Variants in HEXB observed in about 807,000 individuals in gnomAD.
HEXB encodes the protein beta-hexosaminidase subunit beta.
In HEXB, 51 loss-of-function variants were observed where a neutral mutation model predicts 71.2. That is an observed-to-expected ratio of 0.72 (90% CI 0.57 to 0.90). HEXB has a LOEUF of 0.90. HEXB is among the 40% of genes least tolerant of loss of function. HEXB has a pLI of 0.00. For missense variants in HEXB, 617 were observed against 677.0 expected, an observed-to-expected ratio of 0.91 and a Z score of 0.98; for synonymous variants, 266 against 249.3, an observed-to-expected ratio of 1.07 and a Z score of -0.63.
intron 1 of HEXB, among the ~76,000 whole-genome samples, chr5:74,674,264 G>T (rs1166072624): frequency 6.6e-6 from 1 of 152,116 alleles, no homozygotes; most frequent in African/African-American, 2.4e-5. Context: ...AGAACAAAGG[G>T]GAAGTTAAAT....
At chr5:74,702,335 C>T (rs1372498968) in intron 5 of HEXB, among the ~76,000 whole-genome samples, 2 of 151,998 alleles carry the variant, frequency 1.3e-5, no homozygotes, top group Non-Finnish European at 2.9e-5. Context: ...GCCTCGGCCT[C>T]CCAAAGTGCT....
Position 74,693,838 on chromosome 5 carries a change from G to A in HEXB, c.511+134G>A, listed in dbSNP as rs925412186. On this transcript the variant is annotated intron_variant, in intron 3 of 13. Coordinates refer to ENST00000261416, the MANE Select transcript of HEXB (RefSeq NM_000521.4). Reference sequence around the variant, plus strand: ...ATGCTTTGTTATGTAGTTCCAAAATGATTTCCATTGAACATGTACTACATA... The same window carrying A: ...ATGCTTTGTTATGTAGTTCCAAAATAATTTCCATTGAACATGTACTACATA... The A allele has an allele frequency of 5.5e-6, 4 of 733,626 alleles. No homozygotes were observed. The East Asian group carries it at 7.9e-5, about 14-fold the overall frequency. 45.4% of individuals were successfully genotyped at this position (733,626 alleles called of 1,614,324 possible).
chr5:74,708,857 C>T (rs1580391851), intron 6 of HEXB, among the ~76,000 whole-genome samples: 1 of 151,920 alleles, frequency 6.6e-6, no homozygotes, highest in African/African-American at 2.4e-5. Context: ...ACTTTAACAC[C>T]CTACTGTCAA....
At chr5:74,642,652 A>G (rs995221119) in intron 1 of HEXB, among the ~76,000 whole-genome samples, 3 of 151,970 alleles carry the variant, frequency 2.0e-5, no homozygotes, top group African/African-American at 7.3e-5. Context: ...TTGCCTAGAA[A>G]TGGACTATGT....
chr5:74,660,572 C>T (rs572227366), intron 1 of HEXB, among the ~76,000 whole-genome samples: 9 of 152,320 alleles, frequency 5.9e-5, no homozygotes, highest in African/African-American at 1.9e-4. Context: ...TAAATGGAGC[C>T]ATCAGCTCCC....
chr5:74,651,462 G>A (rs752234004), intron 1 of HEXB, among the ~76,000 whole-genome samples: 4 of 152,188 alleles, frequency 2.6e-5, no homozygotes, highest in African/African-American at 4.8e-5. Context: ...AGGCAAGAAA[G>A]TCTAACAAAA....
At position 74,685,531 on chromosome 5, in the gene HEXB, T is replaced by G; in HGVS notation, c.271T>G (p.Cys91Gly). The G allele has an allele frequency of 6.3e-7, 1 of 1,590,912 alleles. No individual in the cohort carries two copies. Among genetic ancestry groups the G allele is most frequent in the Non-Finnish European group, 8.6e-7 (1 of 1,169,552 alleles). Residue 91 changes from cysteine (C) to glycine (G), a missense_variant, in exon 1 of 14, where the codon TGC (cysteine) becomes GGC (glycine). By Grantham distance (159) the Cys-to-Gly change is radical. Coordinates refer to ENST00000261416, the MANE Select transcript of HEXB (RefSeq NM_000521.4). Reference sequence around the variant, plus strand: ...CCCCAATTCCACGGCGGGCCCCTCCTGCACCCTGCTGGAGGAAGCGTTTCG... The same window carrying G: ...CCCCAATTCCACGGCGGGCCCCTCCGGCACCCTGCTGGAGGAAGCGTTTCG... ...HSPNSTAGPS[C>G]TLLEEAFRRY...
At chr5:74,719,049 T>A in intron 11 of HEXB, 78 bp downstream of exon 11, 1 of 1,416,390 alleles carries the variant, frequency 7.1e-7, no homozygotes, top group East Asian at 2.3e-5. Flanking sequence ...GTTACCTTTG[T>A]TTTATGAGTT....
chr5:74,661,507 C>A (rs1748319075), intron 1 of HEXB, among the ~76,000 whole-genome samples: 1 of 72,778 alleles, frequency 1.4e-5, no homozygotes, highest in Admixed American at 1.4e-4. Flanking sequence ...TTCATTTTCT[C>A]TCTCTCTGTG....
intron 1 of HEXB, among the ~76,000 whole-genome samples, chr5:74,689,094 A>G (rs1441775703): frequency 6.6e-6 from 1 of 152,128 alleles, no homozygotes; most frequent in African/African-American, 2.4e-5. Flanking sequence ...AAGCATTTAA[A>G]ATTCCCATGC....
rs377347587 is a variant in HEXB, at chr5:74,721,080, AAATC to A, written c.1614-33_1614-30del. The A allele has an allele frequency of 7.7e-4, 1,143 of 1,475,382 alleles. 8 individuals carry two copies. The African/African-American group carries it at 0.014, about 18-fold the overall frequency. 91.4% of individuals were successfully genotyped at this position (1,475,382 alleles called of 1,614,324 possible). The stretch of plus-strand genomic sequence containing the variant: ...ATATCTTTATGAATGATATCAATCT[AAATC>A]AATCTAAAATATCTTTATTCATGTT... On this transcript the variant is annotated intron_variant, in intron 13 of 13. Transcript: ENST00000261416.
chr5:74,650,636 T>G (rs1748084814), intron 1 of HEXB, among the ~76,000 whole-genome samples: 1 of 152,018 alleles, frequency 6.6e-6, no homozygotes, highest in Non-Finnish European at 1.5e-5. Context: ...AAAAGTCAAC[T>G]GCAGGCCAGG....
At chr5:74,701,343 C>T (rs1414131672) in intron 5 of HEXB, among the ~76,000 whole-genome samples, 1 of 151,998 alleles carries the variant, frequency 6.6e-6, no homozygotes, top group Admixed American at 6.6e-5. Flanking sequence ...TTATTAAATT[C>T]TTGATTCTAT....
intron 1 of HEXB, among the ~76,000 whole-genome samples, chr5:74,657,666 T>C (rs1001686595): frequency 7.9e-5 from 12 of 152,226 alleles, no homozygotes; most frequent in Non-Finnish European, 1.5e-4. Context: ...TTCATCAAAA[T>C]TTTATTAGAA....
chr5:74,708,883 C>T lies in HEXB; in HGVS notation c.771+3563C>T, dbSNP rs539328067. Among the ~76,000 whole-genome samples the T allele has an allele frequency of 1.0e-3, 154 of 152,138 alleles. 2 individuals are homozygous for T. The South Asian group carries it at 0.014, about 14-fold the overall frequency. On this transcript the variant is annotated intron_variant, in intron 6 of 13. Coordinates refer to ENST00000261416, the MANE Select transcript of HEXB (RefSeq NM_000521.4). ...CTACTGTCAACATTAGACAGATCAA[C>T]GAGACAGAAAGTCAACAAGGATACC...
At position 74,702,067 on chromosome 5, in the gene HEXB, C is replaced by CTTTTTTTT. The variant is rs60295789; in HGVS notation, c.670-3130_670-3123dup. Among the ~76,000 whole-genome samples, 13 of 60,592 alleles carry CTTTTTTTT rather than the reference C, an allele frequency of 2.1e-4. 1 individual carries two copies. Among genetic ancestry groups the CTTTTTTTT allele is most frequent in the South Asian group, 9.1e-4 (1 of 1,098 alleles). 39.8% of individuals were successfully genotyped at this position (60,592 alleles called of 152,430 possible). ...TCTGCAACTGACTATCTTTCCTTGT[C>CTTTTTTTT]TTTTTTTTTTTTTTTTTTTTTTTTT... On this transcript the variant is annotated intron_variant, in intron 5 of 13. Coordinates refer to ENST00000261416, the MANE Select transcript of HEXB (RefSeq NM_000521.4).
At chr5:74,656,580 A>G (rs1185559179) in intron 1 of HEXB, among the ~76,000 whole-genome samples, 1 of 152,090 alleles carries the variant, frequency 6.6e-6, no homozygotes, top group African/African-American at 2.4e-5. Flanking sequence ...CATTGCACAC[A>G]TTGCATGACA....
At chr5:74,695,010 T>C (rs1053597581) in intron 3 of HEXB, among the ~76,000 whole-genome samples, 4 of 151,840 alleles carry the variant, frequency 2.6e-5, no homozygotes, top group African/African-American at 9.7e-5. Context: ...TGACTCAGAG[T>C]GTTACCTAAA....
At chr5:74,674,143 A>G (rs1375047389) in intron 1 of HEXB, among the ~76,000 whole-genome samples, 1 of 152,220 alleles carries the variant, frequency 6.6e-6, no homozygotes, top group African/African-American at 2.4e-5. Context: ...ACATTCTTAT[A>G]GCAATTTAAT....
Sources: gnomAD v4.1 joint callset for allele counts (sites outside exome capture counted in the v4.1 genomes callset) on GRCh38, gnomAD v4.1.1 for gene constraint, MANE v1.5 for transcripts, NCBI Gene and HGNC (gene_info 2026-07-23, HGNC 2026-07-21) for gene names.